Variants in ULK4 observed in about 807,000 individuals in gnomAD.
ULK4 encodes the protein inactive serine/threonine-protein kinase ULK4.
A neutral mutation model predicts 160.6 loss-of-function variants in ULK4; 133 were observed. That is an observed-to-expected ratio of 0.83 (90% CI 0.72 to 0.96). The LOEUF is 0.96. ULK4 is among the 40% of genes least tolerant of loss of function. The pLI, the probability that ULK4 is intolerant of heterozygous loss-of-function variation, is 0.00. For missense variants in ULK4, 1,580 were observed against 1,499.5 expected (o/e 1.05, Z -0.89); for synonymous variants, 534 against 539.8 (o/e 0.99, Z 0.15).
chr3:41,650,564 A>G (rs2125738647), intron 30 of ULK4, among the ~76,000 whole-genome samples: 2 of 152,336 alleles, frequency 1.3e-5, no homozygotes, highest in South Asian at 4.1e-4. Context: ...CGCAGACGGC[A>G]CACCTGACTG....
chr3:41,854,608 T>C (rs1215555977), intron 17 of ULK4, among the ~76,000 whole-genome samples: 1 of 152,116 alleles, frequency 6.6e-6, no homozygotes, highest in Non-Finnish European at 1.5e-5. Flanking sequence ...TTTCTAGATT[T>C]ACTGAGCAGA....
intron 35 of ULK4, among the ~76,000 whole-genome samples, chr3:41,355,322 T>C (rs926939877): frequency 1.3e-5 from 2 of 152,198 alleles, no homozygotes; most frequent in Non-Finnish European, 2.9e-5. Context: ...CAATCCTGGC[T>C]TGAATCTCAG....
intron 17 of ULK4, among the ~76,000 whole-genome samples, chr3:41,864,590 C>T (rs1011346332): frequency 2.8e-4 from 43 of 151,196 alleles, no homozygotes; most frequent in African/African-American, 1.0e-3. Context: ...CCTTGCTGTA[C>T]CCCAGAGTCA....
chr3:41,620,316 CA>C (rs1216731807), intron 30 of ULK4, among the ~76,000 whole-genome samples: 1 of 150,728 alleles, frequency 6.6e-6, no homozygotes, highest in Non-Finnish European at 1.5e-5. Context: ...AAAACAACAA[CA>C]AAAAATTTCA....
chr3:41,581,875 G>A (rs2030374543), intron 31 of ULK4, among the ~76,000 whole-genome samples: 2 of 152,228 alleles, frequency 1.3e-5, no homozygotes, highest in African/African-American at 4.8e-5. Context: ...ACTTGGAGAG[G>A]AGCAAAGACT....
At chr3:41,737,092 G>C (rs2038080689) in intron 22 of ULK4, among the ~76,000 whole-genome samples, 1 of 151,924 alleles carries the variant, frequency 6.6e-6, no homozygotes, top group African/African-American at 2.4e-5. Context: ...TTTGGTTACT[G>C]TAGCCTTGTA....
intron 34 of ULK4, among the ~76,000 whole-genome samples, chr3:41,434,797 T>C (rs1179469926): frequency 2.0e-5 from 3 of 152,228 alleles, no homozygotes; most frequent in Non-Finnish European, 2.9e-5. Flanking sequence ...TTTTACATTA[T>C]AGTATGTTTG....
At chr3:41,622,530 A>C (rs1251016962) in intron 30 of ULK4, among the ~76,000 whole-genome samples, 1 of 142,306 alleles carries the variant, frequency 7.0e-6, no homozygotes, top group Non-Finnish European at 1.5e-5. Flanking sequence ...TCACTCATAA[A>C]TGGAAGTTAA....
At chr3:41,398,543 T>G (rs1843918) in intron 34 of ULK4, among the ~76,000 whole-genome samples, 27,825 of 136,014 alleles carry the variant, frequency 0.2, 2,755 homozygotes, top group African/African-American at 0.25. Context: ...ACCATCATCA[T>G]GCCCAGCTAA....
rs76318575 is a variant in ULK4 at position 41,819,492 on chromosome 3, C to CT, written c.1778dup (p.Asn594GlufsTer3). On this transcript the variant is annotated frameshift_variant, in exon 19 of 37. Coordinates refer to ENST00000301831, the MANE Select transcript of ULK4 (RefSeq NM_017886.4). LOFTEE classifies it high-confidence loss of function. ...GAACAGCCCAGCACTCTCTAGGGTT[C>CT]TTTTTTTTTTCTTCCTAAAATGAAG... 1.8e-3 allele frequency: 2,598 copies of CT among 1,407,812 alleles called. No homozygotes were observed. Among genetic ancestry groups the CT allele is most frequent in the African/African-American group, 4.5e-3 (286 of 64,004 alleles). The allele number at this position is 1,407,812 out of a possible 1,614,324, so 87.2% of individuals were successfully genotyped here. A position where few individuals can be genotyped will look rare whatever the true frequency, so the allele number is the denominator to read the frequency against.
chr3:41,374,097 A>G (rs1272473564), intron 35 of ULK4, among the ~76,000 whole-genome samples: 1 of 152,232 alleles, frequency 6.6e-6, no homozygotes, highest in Non-Finnish European at 1.5e-5. Context: ...GAAGAAGTTG[A>G]ATCCCTGAAT....
At chr3:41,671,121 G>T (rs1158386976) in intron 29 of ULK4, among the ~76,000 whole-genome samples, 1 of 152,008 alleles carries the variant, frequency 6.6e-6, no homozygotes, top group African/African-American at 2.4e-5. Flanking sequence ...CATGCTCACA[G>T]ATCAGAAAAA....
intron 35 of ULK4, among the ~76,000 whole-genome samples, chr3:41,391,985 C>T (rs989439844): frequency 3.3e-5 from 5 of 151,944 alleles, no homozygotes; most frequent in African/African-American, 9.7e-5. Context: ...AGAGAGTAGT[C>T]GATAGCATAT....
chr3:41,631,260 C>T (rs760471195), intron 30 of ULK4, among the ~76,000 whole-genome samples: 3 of 152,110 alleles, frequency 2.0e-5, no homozygotes, highest in South Asian at 4.1e-4. Flanking sequence ...ATTTCAGCAG[C>T]GTTAGTATAA....
chr3:41,916,159 A>C, intron 7 of ULK4, 107 bp from the exon 8 acceptor site: 1 of 670,770 alleles, frequency 1.5e-6, no homozygotes, highest in Non-Finnish European at 2.4e-6. Context: ...TTAAACACAT[A>C]CATTATTATT....
At chr3:41,530,882 G>C (rs1448798417) in intron 32 of ULK4, among the ~76,000 whole-genome samples, 3 of 151,898 alleles carry the variant, frequency 2.0e-5, no homozygotes, top group African/African-American at 7.2e-5. Context: ...GCCTGCCTCA[G>C]CCTCCCGAGG....
rs570392338 is a variant in ULK4, at chr3:41,401,027, T to C, written c.3493-2763A>G. ...TCTTGATATTTGAAAGTTCTTTAAA[T>C]AGTCTAGATACGCCTTAGATATATA... On this transcript the variant is annotated intron_variant, in intron 34 of 36. Coordinates refer to ENST00000301831, the MANE Select transcript of ULK4 (RefSeq NM_017886.4). Among the ~76,000 whole-genome samples, 163 of 152,272 alleles carry C rather than the reference T, an allele frequency of 1.1e-3. 2 individuals carry two copies. In the South Asian group the frequency reaches 0.013, roughly 12 times the overall value.
intron 32 of ULK4, among the ~76,000 whole-genome samples, chr3:41,495,350 G>A (rs1237308851): frequency 6.6e-6 from 1 of 152,036 alleles, no homozygotes; most frequent in African/African-American, 2.4e-5. Context: ...TTTAACAAAT[G>A]GTGCTGGGAA....
chr3:41,621,197 A>T (rs56108080), intron 30 of ULK4, among the ~76,000 whole-genome samples: 9,307 of 152,238 alleles, frequency 0.061, 433 homozygotes, highest in African/African-American at 0.13. Flanking sequence ...GCCCAAAGTA[A>T]CTTATAGATT....
Sources: gnomAD v4.1 joint callset for allele counts (sites outside exome capture counted in the v4.1 genomes callset) on GRCh38, gnomAD v4.1.1 for gene constraint, MANE v1.5 for transcripts, NCBI Gene and HGNC (gene_info 2026-07-23, HGNC 2026-07-21) for gene names.